The following GPC6 variants were observed in gnomAD, a reference collection of about 807,000 sequenced individuals.
GPC6 encodes the protein glypican-6.
Under a neutral mutation model 55.2 loss-of-function variants are expected in GPC6, and 14 were observed. That is an observed-to-expected ratio of 0.25 (90% CI 0.17 to 0.40). GPC6 has a LOEUF of 0.40. Among genes scored for constraint, GPC6 ranks in the 10% least tolerant of loss-of-function variants. The pLI, the probability that GPC6 is intolerant of heterozygous loss-of-function variation, is 1.00. For missense variants in GPC6, 641 were observed against 708.5 expected, an observed-to-expected ratio of 0.90 and a Z score of 1.08; for synonymous variants, 278 against 259.6, an observed-to-expected ratio of 1.07 and a Z score of -0.68.
intron 6 of GPC6, among the ~76,000 whole-genome samples, chr13:94,380,348 C>T (rs1001838177): frequency 5.9e-5 from 9 of 151,974 alleles, no homozygotes; most frequent in East Asian, 1.9e-4. Context: ...ATTGTGGGCA[C>T]GCCTTTAATG....
At chr13:93,835,612 T>C (rs921618713) in intron 3 of GPC6, among the ~76,000 whole-genome samples, 4 of 151,994 alleles carry the variant, frequency 2.6e-5, no homozygotes, top group African/African-American at 9.7e-5. Flanking sequence ...ATTAGCCGGG[T>C]GTGGTGGCAC....
intron 3 of GPC6, among the ~76,000 whole-genome samples, chr13:93,898,458 C>G (rs1165385226): frequency 1.3e-5 from 2 of 152,116 alleles, no homozygotes; most frequent in Non-Finnish European, 2.9e-5. Context: ...TTGAAGGCCA[C>G]ATGGATGAAA....
At chr13:93,684,872 T>C (rs1394873052) in intron 2 of GPC6, among the ~76,000 whole-genome samples, 1 of 152,210 alleles carries the variant, frequency 6.6e-6, no homozygotes, top group African/African-American at 2.4e-5. Flanking sequence ...ATAATTTATC[T>C]GCATGTAGGA....
At chr13:94,013,259 T>G (rs996361363) in intron 3 of GPC6, among the ~76,000 whole-genome samples, 2 of 152,140 alleles carry the variant, frequency 1.3e-5, no homozygotes, top group African/African-American at 4.8e-5. Flanking sequence ...ATTTAAATGC[T>G]AAATTTGGAA....
At chr13:93,223,587 G>A (rs1293677951), upstream of GPC6, among the ~76,000 whole-genome samples, 1 of 151,228 alleles carries the variant, frequency 6.6e-6, no homozygotes, top group Non-Finnish European at 1.5e-5. Context: ...GGGACTGCAG[G>A]CACATACCAT....
At chr13:93,368,390 G>GTCCTTCCTTCCTTCCTTCCTTCCTTCCT (rs1168320888) in intron 1 of GPC6, among the ~76,000 whole-genome samples, 30 of 56,304 alleles carry the variant, frequency 5.3e-4, no homozygotes, top group African/African-American at 1.5e-3. Flanking sequence ...CCTTCCTTCC[G>GTCCTTCCTTCCTTCCTTCCTTCCTTCCT]TCCTTCCTTC....
At chr13:93,349,573 TA>T (rs1258088163) in intron 1 of GPC6, among the ~76,000 whole-genome samples, 5 of 152,212 alleles carry the variant, frequency 3.3e-5, no homozygotes, top group Non-Finnish European at 2.9e-5. Flanking sequence ...TACCAAAGTT[TA>T]AAACTTTTAA....
chr13:93,227,560 A>AG lies in GPC6; in HGVS notation c.106dup (p.Ala36GlyfsTer49). 1 of 1,612,836 alleles carries AG rather than the reference A, an allele frequency of 6.2e-7. No individual in the cohort carries two copies. The highest frequency in any genetic ancestry group is 8.5e-7 in the Non-Finnish European group (1 of 1,179,490). On this transcript the variant is annotated frameshift_variant, in exon 1 of 9. Transcript: ENST00000377047. LOFTEE classifies it high-confidence loss of function. The surrounding 1 kb of genome is among the most constrained non-coding windows in gnomAD (Gnocchi z 4.3). ...GCTCGGAGCTGCGGAGAGGTCCGCC[A>AG]GGCGTACGGTGCCAAGGGATTCAGC... is the stretch of plus-strand genomic sequence containing the variant.
chr13:93,852,146 C>T (rs779174581), intron 3 of GPC6, among the ~76,000 whole-genome samples: 3 of 151,628 alleles, frequency 2.0e-5, no homozygotes, highest in East Asian at 1.9e-4. Flanking sequence ...AATACTATAC[C>T]GGTTCTGAGG....
rs139131831 is a variant in GPC6 at position 94,225,534 on chromosome 13, T to G, written c.878-60815T>G. On this transcript the variant is annotated intron_variant, in intron 4 of 8. Transcript: ENST00000377047. ...CAAGTTTATTTTGGTGCAAAAAAAT[T>G]TTGAAATCCACGCAGTGTTTAATAA... 4.5e-4 allele frequency among the ~76,000 whole-genome samples: 69 copies of G among 152,168 alleles called. 1 individual carries two copies. The East Asian group carries it at 0.011, about 25-fold the overall frequency.
At chr13:94,088,225 T>A (rs1885357518) in intron 4 of GPC6, among the ~76,000 whole-genome samples, 1 of 152,108 alleles carries the variant, frequency 6.6e-6, no homozygotes, top group East Asian at 1.9e-4. Flanking sequence ...AACACAACAA[T>A]GACAATGAAA....
chr13:94,129,110 A>G (rs1886925180), intron 4 of GPC6, among the ~76,000 whole-genome samples: 1 of 152,204 alleles, frequency 6.6e-6, no homozygotes, highest in Non-Finnish European at 1.5e-5. Context: ...TCAGTTATGT[A>G]GGTATTTATA....
chr13:94,288,930 TATAGATAGATAG>T (rs538344779), intron 5 of GPC6, among the ~76,000 whole-genome samples: 1 of 108,214 alleles, frequency 9.2e-6, no homozygotes, highest in East Asian at 2.7e-4. Flanking sequence ...ATATAACAAA[TATAGATAGATAG>T]ATAGATAGAT....
chr13:93,368,378 T>G (rs138493939), intron 1 of GPC6, among the ~76,000 whole-genome samples: 18,413 of 106,948 alleles, frequency 0.17, 1,775 homozygotes, highest in Non-Finnish European at 0.26. Context: ...CCTTCCTTCC[T>G]TCCTTCCTTC....
At position 94,027,875 on chromosome 13, in the gene GPC6, A is replaced by C. The variant is rs1258158659; in HGVS notation, c.858A>C (p.Thr286=). The change falls in exon 4 of 9, where the codon ACA becomes ACC. Residue 286 remains threonine (T), a synonymous_variant. Transcript: ENST00000377047. ...GCLANQADLD[T]EWNLFIDAML... ...TGGCAAATCAGGCTGACCTCGACACAGAGTGGAATCTGTTTATAGGTAAGA... is the reference window on the plus strand; with the variant it reads ...TGGCAAATCAGGCTGACCTCGACACCGAGTGGAATCTGTTTATAGGTAAGA... The C allele has an allele frequency of 6.2e-7, 1 of 1,614,086 alleles. No individual in the cohort carries two copies. Among genetic ancestry groups the C allele is most frequent in the Non-Finnish European group, 8.5e-7 (1 of 1,179,974 alleles).
chr13:94,350,075 T>TTG (rs367555548), intron 6 of GPC6, among the ~76,000 whole-genome samples: 53 of 150,148 alleles, frequency 3.5e-4, no homozygotes, highest in African/African-American at 7.4e-4. Flanking sequence ...TATATATCTT[T>TTG]TGTGTGTGTG....
At chr13:93,307,560 A>T (rs956062925) in intron 1 of GPC6, among the ~76,000 whole-genome samples, 1 of 152,144 alleles carries the variant, frequency 6.6e-6, no homozygotes, top group Non-Finnish European at 1.5e-5. Flanking sequence ...AAGAGCATAA[A>T]TAAAGTTAGA....
At chr13:93,569,878 G>C (rs889194287) in intron 2 of GPC6, among the ~76,000 whole-genome samples, 1 of 151,982 alleles carries the variant, frequency 6.6e-6, no homozygotes, top group Non-Finnish European at 1.5e-5. Flanking sequence ...TCTTGTGTAA[G>C]TGCGTGTGTT....
intron 3 of GPC6, among the ~76,000 whole-genome samples, chr13:93,941,749 A>C (rs1878748411): frequency 6.6e-6 from 1 of 152,224 alleles, no homozygotes; most frequent in Non-Finnish European, 1.5e-5. Flanking sequence ...ATATCTATCA[A>C]AATAGACACT....
Sources: allele counts gnomAD v4.1 joint callset (sites outside exome capture counted in the v4.1 genomes callset), GRCh38; gene constraint gnomAD v4.1.1; non-coding constraint Gnocchi (gnomAD v3.1); transcripts MANE v1.5; gene names NCBI Gene and HGNC (gene_info 2026-07-23, HGNC 2026-07-21).